The following TANGO6 variants were observed in gnomAD, a reference collection of about 807,000 sequenced individuals.
TANGO6 encodes transport and golgi organization 6 homolog.
A neutral mutation model predicts 114.2 loss-of-function variants in TANGO6; 90 were observed. That is an observed-to-expected ratio of 0.79 (90% CI 0.66 to 0.94). TANGO6 has a LOEUF of 0.94. Among genes scored for constraint, TANGO6 ranks in the 40% least tolerant of loss-of-function variants. The pLI is 0.00. For synonymous variants in TANGO6, 477 were observed against 509.8 expected (o/e 0.94, Z 0.87); for missense variants, 1,274 against 1,315.3 (o/e 0.97, Z 0.49).
intron 1 of TANGO6, among the ~76,000 whole-genome samples, chr16:68,847,100 G>A (rs1961821797): frequency 6.6e-6 from 1 of 151,784 alleles, no homozygotes; most frequent in African/African-American, 2.4e-5. Context: ...ACGTTGGTCA[G>A]GCTGGTCTCG....
At chr16:68,872,199 C>T (rs1053933948) in intron 4 of TANGO6, among the ~76,000 whole-genome samples, 1 of 150,410 alleles carries the variant, frequency 6.6e-6, no homozygotes, top group African/African-American at 2.4e-5. Flanking sequence ...TCAGCCTGGG[C>T]GATAGGGTGA....
chr16:68,869,748 A>AT lies in TANGO6; in HGVS notation c.994+2531dup, dbSNP rs138684366. ...TAGTGGCTTTTTTTATGGAAATGGCATTTAAACTGAGCCCTGAAGGCTGAG... is the reference window on the plus strand; with the variant it reads ...TAGTGGCTTTTTTTATGGAAATGGCATTTTAAACTGAGCCCTGAAGGCTGAG... On this transcript the variant is annotated intron_variant, in intron 4 of 17. Transcript: ENST00000261778. Among the ~76,000 whole-genome samples, 132 of 152,280 alleles carry AT rather than the reference A, an allele frequency of 8.7e-4. 1 individual carries two copies. In the East Asian group the frequency reaches 0.014, roughly 16 times the overall value.
chr16:68,951,118 T>C (rs991954885), intron 14 of TANGO6, among the ~76,000 whole-genome samples: 8 of 151,980 alleles, frequency 5.3e-5, no homozygotes, highest in Admixed American at 3.9e-4. Context: ...AGCCCAGTAG[T>C]TTAAGACCAG....
chr16:68,877,817 C>A (rs933519977), intron 5 of TANGO6, among the ~76,000 whole-genome samples: 4 of 152,048 alleles, frequency 2.6e-5, no homozygotes, highest in African/African-American at 7.2e-5. Context: ...ACTGTGTTAG[C>A]CAGGATGGTC....
intron 1 of TANGO6, among the ~76,000 whole-genome samples, chr16:68,849,448 G>A (rs1961866467): frequency 1.3e-5 from 2 of 152,070 alleles, no homozygotes; most frequent in Non-Finnish European, 2.9e-5. Flanking sequence ...ACTACCCTGG[G>A]CTACATAGTA....
In TANGO6 at chr16:68,927,941, T is replaced by G; in HGVS notation, c.2501T>G (p.Val834Gly). The G allele has an allele frequency of 1.9e-6, 3 of 1,613,894 alleles. No individual in the cohort carries two copies. The highest frequency in any genetic ancestry group is 2.5e-6 in the Non-Finnish European group (3 of 1,179,856). The change falls in exon 13 of 18, where the codon GTA becomes GGA. Residue 834 changes from valine to glycine, a missense_variant. Coordinates refer to ENST00000261778, the MANE Select transcript of TANGO6 (RefSeq NM_024562.2). Reference protein sequence around the residue: ...STTTSQKSGSVTTEQLQEVLL... With the variant: ...STTTSQKSGSGTTEQLQEVLL... ...ACTACAAGTCAGAAATCTGGAAGCG[T>G]AACCACAGAACAGCTCCAAGAGGTT...
chr16:68,861,239 C>T (rs1962087893), intron 2 of TANGO6, among the ~76,000 whole-genome samples: 1 of 152,156 alleles, frequency 6.6e-6, no homozygotes, highest in Non-Finnish European at 1.5e-5. Context: ...AGGCACTGGC[C>T]AGCAGAAGCC....
rs763390306 is a variant in TANGO6, at chr16:68,927,986, C to T, written c.2546C>T (p.Pro849Leu). The T allele has an allele frequency of 4.3e-5, 69 of 1,612,906 alleles. No individual in the cohort carries two copies. In the Middle Eastern group the frequency reaches 4.9e-4, roughly 12 times the overall value. ...GAGGTTCTTTTGTCAGCTTATGACC[C>T]TCAAATTCCAACACGGGCTGCTGCC... ...LQEVLLSAYD[P>L]QIPTRAAALR... is the part of the protein sequence containing the mutation. Residue 849 changes from proline to leucine, a missense_variant, in exon 13 of 18, where the codon CCT becomes CTT. Coordinates refer to ENST00000261778, the MANE Select transcript of TANGO6 (RefSeq NM_024562.2).
intron 11 of TANGO6, among the ~76,000 whole-genome samples, chr16:68,911,050 T>C (rs755412297): frequency 1.3e-4 from 20 of 152,170 alleles, no homozygotes; most frequent in Non-Finnish European, 2.5e-4. Context: ...GTGAATATTA[T>C]TAGGGATCAA....
chr16:68,861,376 C>T (rs1962090084), intron 2 of TANGO6, among the ~76,000 whole-genome samples: 1 of 152,206 alleles, frequency 6.6e-6, no homozygotes, highest in African/African-American at 2.4e-5. Context: ...GTCGTTGTTC[C>T]TTTTCTCTTC....
intron 15 of TANGO6, 34 bp downstream of exon 15, chr16:68,974,202 G>T: frequency 6.2e-7 from 1 of 1,613,528 alleles, no homozygotes; most frequent in Non-Finnish European, 8.5e-7. Flanking sequence ...CTGGAAAAGG[G>T]TGGAGGATCA....
At chr16:69,042,287 C>T (rs1342627820) in intron 17 of TANGO6, among the ~76,000 whole-genome samples, 1 of 152,196 alleles carries the variant, frequency 6.6e-6, no homozygotes, top group Non-Finnish European at 1.5e-5. Context: ...TGGCTCACAC[C>T]TGTAATCCCA....
intron 17 of TANGO6, among the ~76,000 whole-genome samples, chr16:69,049,311 T>C (rs943497557): frequency 2.0e-5 from 3 of 152,190 alleles, no homozygotes; most frequent in African/African-American, 4.8e-5. Flanking sequence ...ATTTGCCTAT[T>C]CTAGACATTT....
intron 7 of TANGO6, among the ~76,000 whole-genome samples, chr16:68,881,235 C>T (rs372990140): frequency 1.3e-5 from 2 of 152,294 alleles, no homozygotes; most frequent in Non-Finnish European, 2.9e-5. Flanking sequence ...GACATGGAGC[C>T]GGGCATGGTG....
intron 15 of TANGO6, among the ~76,000 whole-genome samples, chr16:69,005,127 C>T (rs1477491973): frequency 6.6e-6 from 1 of 152,106 alleles, no homozygotes; most frequent in Non-Finnish European, 1.5e-5. Flanking sequence ...CAGTTGGGGG[C>T]CACAGTACAA....
At chr16:69,027,768 C>T (rs925904768) in intron 16 of TANGO6, among the ~76,000 whole-genome samples, 3 of 151,272 alleles carry the variant, frequency 2.0e-5, no homozygotes, top group African/African-American at 7.3e-5. Flanking sequence ...GGTCCATGAT[C>T]TGAACCAAAC....
At chr16:68,891,214 C>T (rs1962611015) in intron 7 of TANGO6, among the ~76,000 whole-genome samples, 2 of 151,072 alleles carry the variant, frequency 1.3e-5, no homozygotes, top group Non-Finnish European at 1.5e-5. Flanking sequence ...ATTGCTTGTA[C>T]CTGGGAGGCG....
chr16:68,966,701 T>C (rs1487138263), intron 14 of TANGO6, among the ~76,000 whole-genome samples: 1 of 151,616 alleles, frequency 6.6e-6, no homozygotes, highest in African/African-American at 2.4e-5. Context: ...ATTACTGGGC[T>C]CAAGTGACCA....
rs562835779 is a variant in TANGO6, at chr16:68,860,831, C to T, written c.735+307C>T. 2.3e-4 allele frequency among the ~76,000 whole-genome samples: 35 copies of T among 152,180 alleles called. No homozygotes were observed. In the South Asian group the frequency reaches 2.9e-3, roughly 13 times the overall value. ...AAAATGTGTATCATAATACCTGCCTCGGAAGGTGGTTGTGAGGATTAAGGA... is the reference window on the plus strand; with the variant it reads ...AAAATGTGTATCATAATACCTGCCTTGGAAGGTGGTTGTGAGGATTAAGGA... On this transcript the variant is annotated intron_variant, in intron 2 of 17. Coordinates refer to ENST00000261778, the MANE Select transcript of TANGO6 (RefSeq NM_024562.2).
Sources: gnomAD v4.1 joint callset for allele counts (sites outside exome capture counted in the v4.1 genomes callset) on GRCh38, gnomAD v4.1.1 for gene constraint, MANE v1.5 for transcripts, NCBI Gene and HGNC (gene_info 2026-07-23, HGNC 2026-07-21) for gene names.